The following CASS4 variants were observed in gnomAD, a reference collection of about 807,000 sequenced individuals.
CASS4 encodes cas scaffolding protein family member 4.
In CASS4, 22 loss-of-function variants were observed where a neutral mutation model predicts 54.2. That is an observed-to-expected ratio of 0.41 (90% CI 0.29 to 0.58). The LOEUF is 0.58. Among genes scored for constraint, CASS4 ranks in the 20% least tolerant of loss-of-function variants. The probability of loss-of-function intolerance (pLI) is 0.36; values close to 1 mark genes in which losing one functional copy is unlikely to be tolerated. For missense variants in CASS4, 854 were observed against 986.7 expected, an observed-to-expected ratio of 0.87 and a Z score of 1.80; for synonymous variants, 409 against 391.5, an observed-to-expected ratio of 1.04 and a Z score of -0.53.
At chr20:56,431,161 C>A (rs1345108656) in intron 1 of CASS4, among the ~76,000 whole-genome samples, 1 of 152,172 alleles carries the variant, frequency 6.6e-6, no homozygotes, top group Non-Finnish European at 1.5e-5. Context: ...TCAGTTCTCT[C>A]ATCTGTAAAA....
chr20:56,447,264 C>T (rs1354585860), intron 3 of CASS4, among the ~76,000 whole-genome samples: 8 of 151,982 alleles, frequency 5.3e-5, no homozygotes, highest in African/African-American at 1.9e-4. Flanking sequence ...TTTAGCCTTG[C>T]TAGGCTCAGT....
At position 56,414,006 on chromosome 20, in the gene CASS4, C is replaced by T. The variant is rs925820291; in HGVS notation, c.36+1512C>T. Among the ~76,000 whole-genome samples, 3 of 152,118 alleles carry T rather than the reference C, an allele frequency of 2.0e-5. No individual in the cohort carries two copies. Among genetic ancestry groups the T allele is most frequent in the South Asian group, 2.1e-4 (1 of 4,820 alleles). On this transcript the variant is annotated intron_variant, in intron 1 of 5. Transcript: ENST00000679887. This position sits in a 1 kb window ranked among gnomAD's most constrained non-coding sequence, Gnocchi z 4.1. Reference sequence around the variant, plus strand: ...TGAAAATAAATGGCCAATACAATGACGCTCCACCCCTAAACTTCATTATGT... The same window carrying T: ...TGAAAATAAATGGCCAATACAATGATGCTCCACCCCTAAACTTCATTATGT...
At chr20:56,424,207 T>C (rs1001649457) in intron 1 of CASS4, among the ~76,000 whole-genome samples, 3 of 152,196 alleles carry the variant, frequency 2.0e-5, no homozygotes, top group African/African-American at 7.2e-5. Context: ...GAGATGCAGA[T>C]TATTGAAGCA....
intron 2 of CASS4, among the ~76,000 whole-genome samples, chr20:56,444,370 C>G (rs1306733622): frequency 6.6e-6 from 1 of 152,132 alleles, no homozygotes; most frequent in Non-Finnish European, 1.5e-5. Flanking sequence ...CCTTGGGACG[C>G]CAGTGGGAAG....
At chr20:56,420,432 A>G (rs1029658994) in intron 1 of CASS4, among the ~76,000 whole-genome samples, 1 of 152,164 alleles carries the variant, frequency 6.6e-6, no homozygotes, top group African/African-American at 2.4e-5. Flanking sequence ...TTTGTCACCC[A>G]GACTGGAGTG....
chr20:56,452,489 A>T lies in CASS4; in HGVS notation c.1313A>T (p.Asp438Val), dbSNP rs756822677. Residue 438 changes from aspartate to valine, a missense_variant, in exon 5 of 6, where the codon GAT becomes GTT. Asp to Val is a radical substitution (Grantham distance 152). Transcript: ENST00000679887. Reference sequence around the variant, plus strand: ...GCAAAGGAGCTCTCCTTGGACCTGGATGTGGCCAAGGAGACAGTGATGGCT... The same window carrying T: ...GCAAAGGAGCTCTCCTTGGACCTGGTTGTGGCCAAGGAGACAGTGATGGCT... ...ESAKELSLDL[D>V]VAKETVMALQ... is the part of the protein sequence containing the mutation. The T allele has an allele frequency of 1.9e-6, 3 of 1,613,666 alleles. No homozygotes were observed. The highest frequency in any genetic ancestry group is 2.2e-5 in the East Asian group (1 of 44,872).
intron 1 of CASS4, among the ~76,000 whole-genome samples, chr20:56,434,325 G>C (rs1980053325): frequency 6.6e-6 from 1 of 152,172 alleles, no homozygotes; most frequent in Non-Finnish European, 1.5e-5. Flanking sequence ...TAGCTAAAAT[G>C]TCCAAAACCA....
intron 1 of CASS4, among the ~76,000 whole-genome samples, chr20:56,431,977 T>C (rs1979927392): frequency 6.6e-6 from 1 of 152,312 alleles, no homozygotes; most frequent in South Asian, 2.1e-4. Context: ...ATGACTCTCA[T>C]GCAAATATAA....
At position 56,452,339 on chromosome 20, in the gene CASS4, C is replaced by T. The variant is rs142749187; in HGVS notation, c.1163C>T (p.Thr388Ile). Residue 388 changes from threonine (T) to isoleucine (I), a missense_variant, in exon 5 of 6, where the codon ACA (threonine) becomes ATA (isoleucine). Physicochemically the swap from Thr to Ile is moderately conservative, Grantham distance 89 (BLOSUM62 -1). Transcript: ENST00000679887. ...GHNSSWFSRRTTSPSPEPDRL... is the reference protein window; with the variant it reads ...GHNSSWFSRRITSPSPEPDRL... ...AATTCCTCATGGTTCTCCAGACGGA[C>T]AACTTCCCCATCTCCTGAACCGGAC... 88 of 1,613,836 alleles carry T rather than the reference C, an allele frequency of 5.5e-5. No homozygotes were observed. The highest frequency in any genetic ancestry group is 6.7e-5 in the African/African-American group (5 of 74,948).
chr20:56,455,899 C>T lies in CASS4; in HGVS notation c.1954-2441C>T, dbSNP rs183795045. Among the ~76,000 whole-genome samples, 1,151 of 152,152 alleles carry T rather than the reference C, an allele frequency of 7.6e-3. 12 individuals are homozygous for T. The highest frequency in any genetic ancestry group is 0.013 in the Non-Finnish European group (854 of 68,010). On this transcript the variant is annotated intron_variant, in intron 5 of 5. Transcript: ENST00000679887. Reference sequence around the variant, plus strand: ...TGAGCTGAGATCGCACCACTGCACTCCAGCCTGGGCAACAAGAACAAGACT... The same window carrying T: ...TGAGCTGAGATCGCACCACTGCACTTCAGCCTGGGCAACAAGAACAAGACT...
chr20:56,445,181 C>A (rs938408900), intron 2 of CASS4, among the ~76,000 whole-genome samples: 1 of 152,054 alleles, frequency 6.6e-6, no homozygotes, highest in Non-Finnish European at 1.5e-5. Context: ...AAAATTCAAA[C>A]TCCTTCACTG....
rs1175282462 is a variant in CASS4 at position 56,452,861 on chromosome 20, T to C, written c.1685T>C (p.Phe562Ser). The C allele has an allele frequency of 6.2e-7, 1 of 1,614,058 alleles. No individual in the cohort carries two copies. The highest frequency in any genetic ancestry group is 1.6e-4 in the Middle Eastern group (1 of 6,062). The change falls in exon 5 of 6, where the codon TTT (phenylalanine) becomes TCT (serine). Residue 562 changes from phenylalanine to serine, a missense_variant. Transcript: ENST00000679887. ...VQNSPDDLER[F>S]VMVARMLPED... ...AACAGCCCAGATGACCTTGAGAGGT[T>C]TGTCATGGTGGCACGGATGCTTCCA... is the stretch of plus-strand genomic sequence containing the variant.
chr20:56,427,071 G>A (rs750619769), intron 1 of CASS4, among the ~76,000 whole-genome samples: 18 of 151,740 alleles, frequency 1.2e-4, no homozygotes, highest in Non-Finnish European at 2.4e-4. Flanking sequence ...TGAGGCAGGA[G>A]GATTGCTTAA....
At chr20:56,427,195 C>A (rs1979679935) in intron 1 of CASS4, among the ~76,000 whole-genome samples, 1 of 150,928 alleles carries the variant, frequency 6.6e-6, no homozygotes, top group South Asian at 2.1e-4. Context: ...AAAAAAAACC[C>A]TCTGTCACCC....
At position 56,452,435 on chromosome 20, in the gene CASS4, A is replaced by G. The variant is rs1229053474; in HGVS notation, c.1259A>G (p.Asp420Gly). The G allele has an allele frequency of 6.2e-7, 1 of 1,613,476 alleles. No individual in the cohort carries two copies. The highest frequency in any genetic ancestry group is 1.1e-5 in the South Asian group (1 of 91,050). Residue 420 changes from aspartate to glycine, a missense_variant, in exon 5 of 6, where the codon GAC becomes GGC. Physicochemically the swap from Asp to Gly is moderately conservative, Grantham distance 94 (BLOSUM62 -1). Coordinates refer to ENST00000679887, the MANE Select transcript of CASS4 (RefSeq NM_020356.4). ...TCGTGCTCCACCACATCCACCGACG[A>G]CTCCTCCAGCTCTTCCTCGGAGGAG... ...VSSCSTTSTD[D>G]SSSSSSEESA...
At chr20:56,421,774 C>T (rs1325900302) in intron 1 of CASS4, among the ~76,000 whole-genome samples, 2 of 152,006 alleles carry the variant, frequency 1.3e-5, no homozygotes, top group African/African-American at 2.4e-5. Context: ...TGCTTACGAC[C>T]CATCAAATAA....
intron 1 of CASS4, among the ~76,000 whole-genome samples, chr20:56,423,106 G>A (rs948603745): frequency 6.6e-6 from 1 of 152,254 alleles, no homozygotes; most frequent in Non-Finnish European, 1.5e-5. Flanking sequence ...AAGGACAGCT[G>A]CAGAGAAAGT....
chr20:56,421,542 T>A (rs1979410677), intron 1 of CASS4, among the ~76,000 whole-genome samples: 1 of 151,942 alleles, frequency 6.6e-6, no homozygotes, highest in South Asian at 2.1e-4. Flanking sequence ...AAAAAATTTT[T>A]AAAAGTAGCT....
intron 3 of CASS4, among the ~76,000 whole-genome samples, chr20:56,446,591 C>T (rs1431993423): frequency 6.6e-6 from 1 of 152,006 alleles, no homozygotes; most frequent in Non-Finnish European, 1.5e-5. Flanking sequence ...ATTTGTAAGA[C>T]ATGCTTCATG....
Sources: gnomAD v4.1 joint callset for allele counts (sites outside exome capture counted in the v4.1 genomes callset) on GRCh38, gnomAD v4.1.1 for gene constraint, Gnocchi (gnomAD v3.1) non-coding constraint, MANE v1.5 for transcripts, NCBI Gene and HGNC (gene_info 2026-07-23, HGNC 2026-07-21) for gene names.